The following NELFA variants were observed in gnomAD, a reference collection of about 807,000 sequenced individuals.
The protein encoded by NELFA is negative elongation factor complex member A, also known as negative elongation factor A.
NELFA carries 35 observed loss-of-function variants against 51.8 expected under a neutral mutation model. That is an observed-to-expected ratio of 0.68 (90% CI 0.52 to 0.90). The LOEUF (loss-of-function observed/expected upper bound fraction) is 0.90. NELFA is among the 40% of genes least tolerant of loss of function. NELFA has a pLI of 0.00. For synonymous variants in NELFA, 417 were observed against 338.4 expected, an observed-to-expected ratio of 1.23 and a Z score of -2.55; for missense variants, 658 against 746.4, an observed-to-expected ratio of 0.88 and a Z score of 1.38.
At chr4:1,996,647 T>C (rs535629018) in intron 1 of NELFA, among the ~76,000 whole-genome samples, 1 of 152,204 alleles carries the variant, frequency 6.6e-6, no homozygotes. Context: ...AAGAAGATGT[T>C]TGAGCTGGTC....
intron 1 of NELFA, chr4:1,991,985 A>C: frequency 2.5e-6 from 1 of 402,870 alleles, no homozygotes; most frequent in Non-Finnish European, 4.4e-6. Context: ...CACCCAGTCC[A>C]CTGGGCCTAC....
At chr4:1,988,047 C>T (rs1473268905) in intron 3 of NELFA, 40 bp from the exon 4 acceptor site, 17 of 1,556,898 alleles carry the variant, frequency 1.1e-5, no homozygotes, top group South Asian at 3.4e-5. Flanking sequence ...ATCCTCAGAG[C>T]GAGAGCCCTT....
chr4:1,984,010 G>A lies in NELFA; in HGVS notation c.1140C>T (p.Gly380=). The A allele has an allele frequency of 6.2e-7, 1 of 1,608,908 alleles. No individual in the cohort carries two copies. Reference sequence around the variant, plus strand: ...CAGGCGTGGGTGTGGCAGGGCTCAGGCCGCTGTTGTACATGGGCGCCCGCT... The same window carrying A: ...CAGGCGTGGGTGTGGCAGGGCTCAGACCGCTGTTGTACATGGGCGCCCGCT... The part of the protein sequence containing the change: ...FKQRAPMYNS[G]LSPATPTPAA... The change falls in exon 9 of 11, where the codon GGC becomes GGT. Residue 380 remains glycine, a synonymous_variant. Coordinates refer to ENST00000382882, the MANE Select transcript of NELFA (RefSeq NM_005663.5).
chr4:1,997,535 A>C (rs1728457877), intron 1 of NELFA, among the ~76,000 whole-genome samples: 1 of 152,276 alleles, frequency 6.6e-6, no homozygotes, highest in Non-Finnish European at 1.5e-5. Flanking sequence ...TAGATATTTA[A>C]GCATTTGATA....
chr4:1,991,770 C>T (rs1728276244), intron 1 of NELFA, 55 bp from the exon 2 acceptor site: 4 of 1,523,534 alleles, frequency 2.6e-6, no homozygotes, highest in Non-Finnish European at 3.5e-6. Context: ...TCCAAGCCCA[C>T]TCCCTGCTGA....
chr4:1,992,080 GA>G (rs1384470000), intron 1 of NELFA: 1 of 226,964 alleles, frequency 4.4e-6, no homozygotes, highest in African/African-American at 2.3e-5. Context: ...CTGCGGGTGG[GA>G]AATCCTGGGG....
chr4:2,007,912 T>C (rs538387474), intron 1 of NELFA: 1 of 455,110 alleles, frequency 2.2e-6, no homozygotes, highest in African/African-American at 2.0e-5. Flanking sequence ...ACTCGGTTTA[T>C]TTCGCACGGA....
intron 1 of NELFA, among the ~76,000 whole-genome samples, chr4:2,007,745 C>A (rs1483635617): frequency 2.0e-5 from 3 of 152,322 alleles, no homozygotes; most frequent in African/African-American, 7.2e-5. Flanking sequence ...ACAGGAGTGG[C>A]TCGCGATGCT....
chr4:1,983,802 G>A (rs552749411), intron 9 of NELFA, 46 bp downstream of exon 9: 23 of 1,578,226 alleles, frequency 1.5e-5, no homozygotes, highest in East Asian at 4.5e-5. Context: ...GGCCAGGGCC[G>A]TACCACCTAC....
chr4:1,991,392 G>A (rs898923208), intron 2 of NELFA, 152 bp downstream of exon 2: 37 of 739,628 alleles, frequency 5.0e-5, no homozygotes, highest in Admixed American at 2.3e-4. Flanking sequence ...AGCAGCTTAC[G>A]GGGGAGGATG....
At chr4:2,001,703 G>C (rs976256306) in intron 1 of NELFA, among the ~76,000 whole-genome samples, 11 of 152,120 alleles carry the variant, frequency 7.2e-5, no homozygotes, top group Non-Finnish European at 1.6e-4. Context: ...AGGAGTTTGA[G>C]ACCAGCCTGG....
chr4:1,993,014 T>C (rs1168394086), intron 1 of NELFA, among the ~76,000 whole-genome samples: 2 of 152,212 alleles, frequency 1.3e-5, no homozygotes, highest in Non-Finnish European at 2.9e-5. Context: ...CGGCAGAAGA[T>C]GCTACGTGGC....
chr4:1,998,556 T>C (rs528576354), intron 1 of NELFA, among the ~76,000 whole-genome samples: 2 of 152,164 alleles, frequency 1.3e-5, no homozygotes, highest in South Asian at 4.2e-4. Flanking sequence ...ATATCAGAGT[T>C]TGAACACCAC....
intron 1 of NELFA, among the ~76,000 whole-genome samples, chr4:2,001,708 G>C (rs1440314847): frequency 1.3e-5 from 2 of 151,880 alleles, no homozygotes; most frequent in Non-Finnish European, 2.9e-5. Flanking sequence ...TTTGAGACCA[G>C]CCTGGCCAAC....
chr4:1,993,304 G>A (rs1294618089), intron 1 of NELFA, among the ~76,000 whole-genome samples: 1 of 152,188 alleles, frequency 6.6e-6, no homozygotes, highest in African/African-American at 2.4e-5. Context: ...TGGCTTTCCC[G>A]GGCGCGGTAG....
Position 1,983,410 on chromosome 4 carries a change from G to A in NELFA, c.1496C>T (p.Thr499Ile). 6.2e-7 allele frequency: 1 copy of A among 1,614,224 alleles called. No individual in the cohort carries two copies. Among genetic ancestry groups the A allele is most frequent in the Non-Finnish European group, 8.5e-7 (1 of 1,180,046 alleles). ...LPKADGQGST[T>I]MLVDTVFEMN... ...CTCAAACACTGTGTCCACCAGCATG[G>A]TTGTGCTACCCTGGCCGTCCGCCTT... The change falls in exon 11 of 11, where the codon ACC becomes ATC. Residue 499 changes from threonine to isoleucine, a missense_variant. This residue lies in a region of NELFA where 87 missense variants were observed against 130.2 expected (regional missense o/e 0.67). Coordinates refer to ENST00000382882, the MANE Select transcript of NELFA (RefSeq NM_005663.5).
chr4:1,998,053 G>C (rs1293998929), intron 1 of NELFA, among the ~76,000 whole-genome samples: 1 of 152,034 alleles, frequency 6.6e-6, no homozygotes, highest in Non-Finnish European at 1.5e-5. Flanking sequence ...AGAGGGACAT[G>C]ACTACGGCAA....
intron 1 of NELFA, among the ~76,000 whole-genome samples, chr4:2,002,818 CA>C (rs1261756864): frequency 2.0e-5 from 3 of 152,180 alleles, no homozygotes; most frequent in Admixed American, 1.3e-4. Context: ...AGGACACAGT[CA>C]CGGCCAACAA....
intron 1 of NELFA, chr4:2,008,011 G>C (rs1268233564): frequency 2.2e-6 from 1 of 457,050 alleles, no homozygotes. Context: ...GTAGAAAAGA[G>C]TAAAACGGAC....
Sources: gnomAD v4.1 joint callset for allele counts (sites outside exome capture counted in the v4.1 genomes callset) on GRCh38, gnomAD v4.1.1 for gene constraint, gnomAD v4.1.1 regional missense constraint, MANE v1.5 for transcripts, NCBI Gene and HGNC (gene_info 2026-07-23, HGNC 2026-07-21) for gene names.